GTF2F2: variants seen among roughly 807,000 people sequenced by gnomAD.
GTF2F2 encodes the protein general transcription factor IIF subunit 2.
A neutral mutation model predicts 42.2 loss-of-function variants in GTF2F2; 23 were observed. The ratio of observed to expected loss-of-function variants is 0.55; its 90% confidence interval spans 0.39 to 0.77. The LOEUF (loss-of-function observed/expected upper bound fraction) is 0.77. Ranked by LOEUF, GTF2F2 falls within the 30% of genes least tolerant of loss-of-function variation. The probability of loss-of-function intolerance (pLI) is 0.00; values close to 1 mark genes in which losing one functional copy is unlikely to be tolerated. For missense variants in GTF2F2, 261 were observed against 287.2 expected, an observed-to-expected ratio of 0.91 and a Z score of 0.66; for synonymous variants, 105 against 100.8, an observed-to-expected ratio of 1.04 and a Z score of -0.25.
At chr13:45,262,562 G>A (rs1876386616) in intron 6 of GTF2F2, among the ~76,000 whole-genome samples, 2 of 151,794 alleles carry the variant, frequency 1.3e-5, no homozygotes, top group Admixed American at 1.3e-4. Flanking sequence ...CAAGGAGCTT[G>A]GACTACAGGT....
chr13:45,138,440 A>G (rs1869747419), intron 2 of GTF2F2, among the ~76,000 whole-genome samples: 3 of 152,184 alleles, frequency 2.0e-5, no homozygotes, highest in African/African-American at 7.2e-5. Context: ...CCGCTGATCT[A>G]GAGTTAACCA....
chr13:45,151,956 C>T, intron 4 of GTF2F2, 125 bp downstream of exon 4: 2 of 512,314 alleles, frequency 3.9e-6, no homozygotes, highest in Non-Finnish European at 6.6e-6. Context: ...GCTCTTGTTG[C>T]CCAGGCTGAA....
At chr13:45,228,281 A>ATTTTTTTTTTTTTT (rs1874467229) in intron 5 of GTF2F2, among the ~76,000 whole-genome samples, 2 of 85,684 alleles carry the variant, frequency 2.3e-5, no homozygotes, top group African/African-American at 1.0e-4. Flanking sequence ...GCCAGAGTTA[A>ATTTTTTTTTTTTTT]TCTTTTTTTT....
Position 45,151,678 on chromosome 13 carries a change from G to A in GTF2F2, c.160-9G>A, listed in dbSNP as rs1870498954. 1 of 1,577,416 alleles carries A rather than the reference G, an allele frequency of 6.3e-7. No homozygotes were observed. The highest frequency in any genetic ancestry group is 2.3e-5 in the East Asian group (1 of 44,372). On this transcript the variant is annotated splice_polypyrimidine_tract_variant and intron_variant, in intron 3 of 7. Coordinates refer to ENST00000340473, the MANE Select transcript of GTF2F2 (RefSeq NM_004128.3). ...GTCTGTTATAATCTCTGGTTAATGT[G>A]TCTATTAGGTGTCATTTACTTTGAA...
intron 4 of GTF2F2, among the ~76,000 whole-genome samples, chr13:45,187,658 A>G (rs1229437960): frequency 6.6e-6 from 1 of 152,236 alleles, no homozygotes; most frequent in Non-Finnish European, 1.5e-5. Context: ...TAAGCAAAAT[A>G]TGATTAGGAC....
chr13:45,220,747 C>G (rs1874073439), intron 5 of GTF2F2: 1 of 152,098 alleles, frequency 6.6e-6, no homozygotes, highest in Admixed American at 6.6e-5. Flanking sequence ...TAGACTTGAT[C>G]TAGTAAGAGT....
chr13:45,210,774 T>C (rs1304788623), intron 5 of GTF2F2, among the ~76,000 whole-genome samples: 1 of 152,176 alleles, frequency 6.6e-6, no homozygotes, highest in Non-Finnish European at 1.5e-5. Flanking sequence ...GGTAAGAAAT[T>C]TGGACAGTGT....
chr13:45,256,368 G>A (rs1465486275), intron 6 of GTF2F2, among the ~76,000 whole-genome samples: 1 of 152,078 alleles, frequency 6.6e-6, no homozygotes. Context: ...GGTGAATAAA[G>A]TAAGTACAAA....
chr13:45,193,795 A>G, intron 4 of GTF2F2: 1 of 1,579,278 alleles, frequency 6.3e-7, no homozygotes, highest in Non-Finnish European at 8.6e-7. Context: ...TAATTACTTG[A>G]TAAAATGAAG....
At position 45,183,436 on chromosome 13, in the gene GTF2F2, A is replaced by G. The variant is rs553783543; in HGVS notation, c.305-23988A>G. Among the ~76,000 whole-genome samples the G allele has an allele frequency of 1.6e-4, 24 of 152,254 alleles. 1 individual carries two copies. The highest frequency in any genetic ancestry group is 4.6e-4 in the African/African-American group (19 of 41,516). On this transcript the variant is annotated intron_variant, in intron 4 of 7. Transcript: ENST00000340473. ...AATGACTGCTGGAGTTACTACTGTC[A>G]TATCTACCTCTCAGGCATCAAAAGG...
At position 45,139,173 on chromosome 13, in the gene GTF2F2, A is replaced by G. The variant is rs1566111468; in HGVS notation, c.140+2367A>G. On this transcript the variant is annotated intron_variant, in intron 2 of 7. Transcript: ENST00000340473. ...GGAGATTGCATAATGGTAGAAAACTAGTGAAATGTAGGATGTACCCAGCTG... is the reference window on the plus strand; with the variant it reads ...GGAGATTGCATAATGGTAGAAAACTGGTGAAATGTAGGATGTACCCAGCTG... Among the ~76,000 whole-genome samples the G allele has an allele frequency of 1.3e-5, 2 of 152,216 alleles. 1 individual carries two copies. Among genetic ancestry groups the G allele is most frequent in the Admixed American group, 1.3e-4 (2 of 15,284 alleles).
chr13:45,251,731 T>G (rs1429627156), intron 5 of GTF2F2, among the ~76,000 whole-genome samples: 2 of 152,168 alleles, frequency 1.3e-5, no homozygotes, highest in East Asian at 1.9e-4. Context: ...AGTTTCTCAG[T>G]GAGGATCTAT....
rs529710066 is a variant in GTF2F2 at position 45,236,549 on chromosome 13, A to G, written c.387-16322A>G. Reference sequence around the variant, plus strand: ...CACACAAGTTTATGAGGCTCAGTGTAGATAAGTGTGGAGTATAAAAATCTA... The same window carrying G: ...CACACAAGTTTATGAGGCTCAGTGTGGATAAGTGTGGAGTATAAAAATCTA... On this transcript the variant is annotated intron_variant, in intron 5 of 7. Transcript: ENST00000340473. 9.5e-4 allele frequency among the ~76,000 whole-genome samples: 144 copies of G among 151,810 alleles called. 2 individuals are homozygous for G. In the Middle Eastern group the frequency reaches 0.024, roughly 25 times the overall value.
At chr13:45,263,264 G>A (rs1347435362) in intron 6 of GTF2F2, among the ~76,000 whole-genome samples, 2 of 150,166 alleles carry the variant, frequency 1.3e-5, no homozygotes, top group Admixed American at 6.6e-5. Flanking sequence ...GTCTCACTCT[G>A]TCACCCAGGC....
chr13:45,226,166 A>G (rs1566141585), intron 5 of GTF2F2, among the ~76,000 whole-genome samples: 1 of 152,146 alleles, frequency 6.6e-6, no homozygotes, highest in Non-Finnish European at 1.5e-5. Flanking sequence ...AGACTTATTT[A>G]TAATCATGTA....
At chr13:45,264,029 A>C (rs1053108476) in intron 6 of GTF2F2, 1 of 152,380 alleles carries the variant, frequency 6.6e-6, no homozygotes, top group African/African-American at 2.4e-5. Flanking sequence ...GTTCGTCTTG[A>C]TAAGTAAACA....
chr13:45,167,001 A>C (rs1375378065), intron 4 of GTF2F2, among the ~76,000 whole-genome samples: 1 of 152,172 alleles, frequency 6.6e-6, no homozygotes, highest in Non-Finnish European at 1.5e-5. Context: ...ACCAGCCGTT[A>C]GACAGCTGTG....
rs181445497 is a variant in GTF2F2 at position 45,183,968 on chromosome 13, G to T, written c.305-23456G>T. 1.7e-3 allele frequency among the ~76,000 whole-genome samples: 252 copies of T among 151,876 alleles called. 2 individuals carry two copies. Among genetic ancestry groups the T allele is most frequent in the Non-Finnish European group, 3.2e-3 (217 of 67,954 alleles). ...CCTCCCGGGCTCAAGCAGTTGTCCT[G>T]CCTCAGCCTCCTGAGTAACTGGGAT... On this transcript the variant is annotated intron_variant, in intron 4 of 7. Transcript: ENST00000340473.
At chr13:45,231,005 A>G (rs1484142469) in intron 5 of GTF2F2, among the ~76,000 whole-genome samples, 4 of 152,018 alleles carry the variant, frequency 2.6e-5, no homozygotes, top group Non-Finnish European at 4.4e-5. Context: ...TTCAGGTTCA[A>G]TTCTAGTATT....
Sources: gnomAD v4.1 joint callset for allele counts (sites outside exome capture counted in the v4.1 genomes callset) on GRCh38, gnomAD v4.1.1 for gene constraint, MANE v1.5 for transcripts, NCBI Gene and HGNC (gene_info 2026-07-23, HGNC 2026-07-21) for gene names.